The following VAT1L variants were observed in gnomAD, a reference collection of about 807,000 sequenced individuals.
The protein encoded by VAT1L is vesicle amine transport 1 like.
A neutral mutation model predicts 44.1 loss-of-function variants in VAT1L; 34 were observed. The observed-to-expected ratio is 0.77, with a 90% CI of 0.59 to 1.03. The LOEUF is 1.03. Ranked by LOEUF, VAT1L falls within the 50% of genes least tolerant of loss-of-function variation. The probability of loss-of-function intolerance (pLI) is 0.00; values close to 1 mark genes in which losing one functional copy is unlikely to be tolerated. For synonymous variants in VAT1L, 253 were observed against 202.2 expected (o/e 1.25, Z -2.13); for missense variants, 615 against 538.8 (o/e 1.14, Z -1.40).
In VAT1L at chr16:77,810,899, A is replaced by T. The variant is rs1364020424; in HGVS notation, c.234-6022A>T. On this transcript the variant is annotated intron_variant, in intron 1 of 8. Coordinates refer to ENST00000302536, the MANE Select transcript of VAT1L (RefSeq NM_020927.3). ...ACTTAACAAAATCCCTACAGTAAGT[A>T]TTAAAAGTAATGGCACAAACCACAA... 6.6e-5 allele frequency among the ~76,000 whole-genome samples: 10 copies of T among 152,212 alleles called. No homozygotes were observed. In the East Asian group the frequency reaches 1.9e-3, roughly 29 times the overall value.
intron 4 of VAT1L, among the ~76,000 whole-genome samples, chr16:77,871,699 G>A (rs1269496232): frequency 6.6e-6 from 1 of 152,110 alleles, no homozygotes; most frequent in Non-Finnish European, 1.5e-5. Flanking sequence ...ATTGGCATGA[G>A]GCATAAATGT....
chr16:77,790,810 T>G (rs2015821114), intron 1 of VAT1L, among the ~76,000 whole-genome samples: 1 of 152,196 alleles, frequency 6.6e-6, no homozygotes, highest in Admixed American at 6.5e-5. Context: ...CATAGTTCTG[T>G]GTTTTCCAGT....
chr16:77,958,219 T>G (rs189644612), intron 7 of VAT1L, among the ~76,000 whole-genome samples: 1 of 152,202 alleles, frequency 6.6e-6, no homozygotes, highest in African/African-American at 2.4e-5. Context: ...CTTGGGTTAT[T>G]TATATGTCCC....
At chr16:77,940,402 G>C (rs554853350) in intron 7 of VAT1L, among the ~76,000 whole-genome samples, 3 of 140,444 alleles carry the variant, frequency 2.1e-5, no homozygotes, top group South Asian at 4.7e-4. Flanking sequence ...GAATTGCAGC[G>C]GCACAGTCTT....
chr16:77,865,998 C>T (rs2016970303), intron 4 of VAT1L, among the ~76,000 whole-genome samples: 1 of 152,152 alleles, frequency 6.6e-6, no homozygotes, highest in South Asian at 2.1e-4. Context: ...ATTTGAGACC[C>T]ACCTCACCCT....
chr16:77,955,924 G>A (rs979432251), intron 7 of VAT1L, among the ~76,000 whole-genome samples: 3 of 152,286 alleles, frequency 2.0e-5, no homozygotes, highest in East Asian at 1.9e-4. Context: ...CATCAAGCCT[G>A]TGGTTGTATG....
intron 7 of VAT1L, among the ~76,000 whole-genome samples, chr16:77,913,731 G>A (rs1047251325): frequency 2.0e-5 from 3 of 152,174 alleles, no homozygotes; most frequent in East Asian, 3.9e-4. Context: ...GCATAAATGT[G>A]TATTGTAACA....
intron 7 of VAT1L, among the ~76,000 whole-genome samples, chr16:77,948,430 G>A (rs1029582996): frequency 2.6e-5 from 4 of 152,176 alleles, no homozygotes; most frequent in African/African-American, 9.7e-5. Flanking sequence ...CATATGCTGG[G>A]TCCTTAGCAA....
chr16:77,864,148 G>A (rs1302946771), intron 4 of VAT1L, among the ~76,000 whole-genome samples: 2 of 152,080 alleles, frequency 1.3e-5, no homozygotes, highest in Non-Finnish European at 2.9e-5. Flanking sequence ...TCTGGCTATT[G>A]CTCTGGGCCC....
intron 7 of VAT1L, among the ~76,000 whole-genome samples, chr16:77,937,261 C>G (rs949334862): frequency 1.3e-5 from 2 of 152,178 alleles, no homozygotes; most frequent in Non-Finnish European, 2.9e-5. Flanking sequence ...TCGTCCTCCT[C>G]ACGCAAATCA....
chr16:77,799,549 GTGTGT>G (rs1567466660), intron 1 of VAT1L, among the ~76,000 whole-genome samples: 26 of 132,716 alleles, frequency 2.0e-4, no homozygotes, highest in African/African-American at 6.2e-4. Context: ...GTGTGTGTGT[GTGTGT>G]GTGGTGTGTA....
chr16:77,903,964 A>G (rs1404445254), intron 7 of VAT1L, among the ~76,000 whole-genome samples: 2 of 151,756 alleles, frequency 1.3e-5, no homozygotes, highest in Admixed American at 6.6e-5. Flanking sequence ...TCTCGATCTC[A>G]TGACCTTGTG....
intron 7 of VAT1L, among the ~76,000 whole-genome samples, chr16:77,912,027 A>G (rs1043177468): frequency 6.6e-6 from 1 of 152,196 alleles, no homozygotes; most frequent in African/African-American, 2.4e-5. Context: ...ACCCCACAAT[A>G]TAAGGGGTGG....
intron 7 of VAT1L, among the ~76,000 whole-genome samples, chr16:77,970,902 T>C (rs543921840): frequency 6.6e-6 from 1 of 152,374 alleles, no homozygotes; most frequent in African/African-American, 2.4e-5. Context: ...TGTTTAACCA[T>C]AGCATCTAGG....
chr16:77,841,793 G>A (rs1331412168), intron 3 of VAT1L, among the ~76,000 whole-genome samples: 1 of 152,182 alleles, frequency 6.6e-6, no homozygotes, highest in Non-Finnish European at 1.5e-5. Context: ...GTCTCAACTG[G>A]TGCAAGGAAA....
intron 7 of VAT1L, among the ~76,000 whole-genome samples, chr16:77,929,402 C>T (rs1378193111): frequency 1.3e-5 from 2 of 152,126 alleles, no homozygotes; most frequent in African/African-American, 4.8e-5. Flanking sequence ...GTATTAGGCC[C>T]TAGGGAGTTT....
intron 7 of VAT1L, among the ~76,000 whole-genome samples, chr16:77,951,840 T>A (rs74251650): frequency 2.7e-5 from 4 of 146,088 alleles, no homozygotes; most frequent in Non-Finnish European, 4.5e-5. Context: ...AGTTTAAAAT[T>A]AAAAAAAAAA....
At chr16:77,901,993 T>C (rs1166087250) in intron 7 of VAT1L, among the ~76,000 whole-genome samples, 1 of 152,240 alleles carries the variant, frequency 6.6e-6, no homozygotes, top group African/African-American at 2.4e-5. Context: ...CAGCCCAAAG[T>C]CATTCACCAT....
At chr16:77,962,411 C>A (rs187610690) in intron 7 of VAT1L, among the ~76,000 whole-genome samples, 1 of 152,090 alleles carries the variant, frequency 6.6e-6, no homozygotes, top group Non-Finnish European at 1.5e-5. Flanking sequence ...GGTAGGGGTG[C>A]TGACATAGGT....
Sources: allele counts gnomAD v4.1 joint callset (sites outside exome capture counted in the v4.1 genomes callset), GRCh38; gene constraint gnomAD v4.1.1; transcripts MANE v1.5; gene names NCBI Gene and HGNC (gene_info 2026-07-23, HGNC 2026-07-21).